RELN: variants seen among roughly 807,000 people sequenced by gnomAD.
RELN encodes reelin.
RELN carries 108 observed loss-of-function variants against 427.6 expected under a neutral mutation model. The ratio of observed to expected loss-of-function variants is 0.25; its 90% CI spans 0.22 to 0.30. The LOEUF (loss-of-function observed/expected upper bound fraction) is 0.30, where lower values mean the gene tolerates loss of function less well. Ranked by LOEUF, RELN falls within the 10% of genes least tolerant of loss-of-function variation. RELN has a pLI of 1.00. For synonymous variants in RELN, 1,524 were observed against 1,513.4 expected, an observed-to-expected ratio of 1.01 and a Z score of -0.16; for missense variants, 3,715 against 4,302.8, an observed-to-expected ratio of 0.86 and a Z score of 3.82.
chr7:103,497,671 T>A (rs1828881404), intron 55 of RELN, 149 bp downstream of exon 55: 1 of 710,842 alleles, frequency 1.4e-6, no homozygotes, highest in Non-Finnish European at 2.5e-6. Flanking sequence ...GTACGGAACA[T>A]GTAATACAAA....
chr7:103,941,951 A>G (rs1285211506), intron 1 of RELN, among the ~76,000 whole-genome samples: 1 of 151,104 alleles, frequency 6.6e-6, no homozygotes, highest in African/African-American at 2.4e-5. Flanking sequence ...TTATCATTAT[A>G]TTTACTATAT....
rs576510562 is a variant in RELN, at chr7:103,518,788, T to C, written c.7862+535A>G. Among the ~76,000 whole-genome samples the C allele has an allele frequency of 3.3e-5, 5 of 152,196 alleles. No homozygotes were observed. In the East Asian group the frequency reaches 9.6e-4, roughly 29 times the overall value. ...ATATGCTATTTTCCTTCTTAACAAC[T>C]CTTTGACATTTCTAATTGGTCATAA... On this transcript the variant is annotated intron_variant, in intron 49 of 64. Transcript: ENST00000428762.
At chr7:103,920,408 C>A (rs1795587058) in intron 1 of RELN, among the ~76,000 whole-genome samples, 1 of 151,948 alleles carries the variant, frequency 6.6e-6, no homozygotes, top group Non-Finnish European at 1.5e-5. Flanking sequence ...TCCTTCATGC[C>A]CTTTCCAAGA....
At position 103,989,215 on chromosome 7, in the gene RELN, C is replaced by G; in HGVS notation, c.142G>C (p.Gly48Arg). Residue 48 changes from glycine (G) to arginine (R), a missense_variant, in exon 1 of 65, where the codon GGG becomes CGG. Physicochemically the swap from Gly to Arg is moderately radical, Grantham distance 125. Coordinates refer to ENST00000428762, the MANE Select transcript of RELN (RefSeq NM_005045.4). The surrounding 1 kb of genome is among the most constrained non-coding windows in gnomAD (Gnocchi z 4.9). Reference sequence around the variant, plus strand: ...AGCACCTCGCCCTGCTCCCCATCCCCTTCCAGCTCCCCGTGGTGGGTGCAC... The same window carrying G: ...AGCACCTCGCCCTGCTCCCCATCCCGTTCCAGCTCCCCGTGGTGGGTGCAC... ...FLCTHHGELE[G>R]DGEQGEVLIS... 6.2e-7 allele frequency: 1 copy of G among 1,614,136 alleles called. No individual in the cohort carries two copies. The highest frequency in any genetic ancestry group is 1.1e-5 in the South Asian group (1 of 91,092).
chr7:103,874,793 T>C (rs1794437475), intron 2 of RELN, among the ~76,000 whole-genome samples: 1 of 150,344 alleles, frequency 6.7e-6, no homozygotes. Context: ...CAAGGTCATT[T>C]ACAGATTCAA....
intron 33 of RELN, 81 bp from the exon 34 acceptor site, chr7:103,565,632 C>T (rs1830734513): frequency 1.5e-6 from 2 of 1,343,664 alleles, no homozygotes; most frequent in Non-Finnish European, 2.1e-6. Flanking sequence ...TAAACATCTT[C>T]AATAGCAAAC....
chr7:103,621,949 GA>G (rs1281969271), intron 20 of RELN, among the ~76,000 whole-genome samples: 2 of 152,198 alleles, frequency 1.3e-5, no homozygotes, highest in African/African-American at 2.4e-5. Flanking sequence ...CTGGGAGGCA[GA>G]GGTTGTAGTG....
At chr7:103,491,659 G>A (rs1432612565) in intron 58 of RELN, among the ~76,000 whole-genome samples, 3 of 151,810 alleles carry the variant, frequency 2.0e-5, no homozygotes, top group Non-Finnish European at 4.4e-5. Context: ...GAGAAACCCC[G>A]TCTCTACTAA....
intron 2 of RELN, among the ~76,000 whole-genome samples, chr7:103,863,075 C>T (rs767266638): frequency 1.3e-5 from 2 of 152,006 alleles, no homozygotes; most frequent in Non-Finnish European, 2.9e-5. Context: ...CAGTCATCTA[C>T]TATTAAGACA....
chr7:103,580,567 T>C (rs1228893511), intron 28 of RELN, among the ~76,000 whole-genome samples: 3 of 152,218 alleles, frequency 2.0e-5, no homozygotes, highest in Admixed American at 1.3e-4. Context: ...TGTGTATATA[T>C]TTAATTAATT....
At chr7:103,644,038 C>T (rs553582786) in intron 16 of RELN, among the ~76,000 whole-genome samples, 7 of 151,960 alleles carry the variant, frequency 4.6e-5, no homozygotes, top group South Asian at 2.1e-4. Context: ...AGAGTCTTTG[C>T]CACTGAATGC....
chr7:103,737,202 T>C (rs1022864429), intron 6 of RELN, among the ~76,000 whole-genome samples: 3 of 152,246 alleles, frequency 2.0e-5, no homozygotes, highest in African/African-American at 4.8e-5. Context: ...TGTCTGATTT[T>C]TTTCATCTAT....
intron 1 of RELN, among the ~76,000 whole-genome samples, chr7:103,928,873 G>A (rs915133444): frequency 6.6e-6 from 1 of 152,132 alleles, no homozygotes. Flanking sequence ...GGCAAACAAG[G>A]TCACTGTATG....
chr7:103,707,499 C>A (rs1347278262), intron 8 of RELN, among the ~76,000 whole-genome samples: 1 of 148,176 alleles, frequency 6.7e-6, no homozygotes, highest in African/African-American at 2.6e-5. Flanking sequence ...CTATTTCTTT[C>A]TTTTCTTTTT....
chr7:103,561,181 G>A (rs1005279119), intron 36 of RELN, among the ~76,000 whole-genome samples: 6 of 152,048 alleles, frequency 3.9e-5, no homozygotes, highest in Admixed American at 6.6e-5. Context: ...ATTAAAGACC[G>A]TTCATAAAGT....
At chr7:103,764,547 CA>C (rs1791381690) in intron 4 of RELN, among the ~76,000 whole-genome samples, 2 of 151,658 alleles carry the variant, frequency 1.3e-5, no homozygotes, top group Non-Finnish European at 1.5e-5. Context: ...TATAAAAGCA[CA>C]AAAAGAAGGC....
intron 53 of RELN, among the ~76,000 whole-genome samples, chr7:103,498,748 T>TGG (rs1828923071): frequency 6.6e-6 from 1 of 152,144 alleles, no homozygotes; most frequent in Admixed American, 6.5e-5. Flanking sequence ...CACCTCCGCC[T>TGG]CCCAGAGTGC....
chr7:103,725,801 T>C (rs974493682), intron 7 of RELN, among the ~76,000 whole-genome samples: 2 of 152,122 alleles, frequency 1.3e-5, no homozygotes, highest in Non-Finnish European at 2.9e-5. Context: ...GGCACAGCTG[T>C]TAAAAAGAAA....
rs551928109 is a variant in RELN at position 103,979,998 on chromosome 7, C to T, written c.226+9133G>A. On this transcript the variant is annotated intron_variant, in intron 1 of 64. Transcript: ENST00000428762. ...CCAACATGGAGAAACCCTGTCTCTA[C>T]TAAAAATACAAAATTAGCTGGGTGT... is the stretch of plus-strand genomic sequence containing the variant. 3.3e-5 allele frequency among the ~76,000 whole-genome samples: 5 copies of T among 152,082 alleles called. No individual in the cohort carries two copies. In the East Asian group the frequency reaches 9.7e-4, roughly 29 times the overall value.
Sources: allele counts gnomAD v4.1 joint callset (sites outside exome capture counted in the v4.1 genomes callset), GRCh38; gene constraint gnomAD v4.1.1; non-coding constraint Gnocchi (gnomAD v3.1); transcripts MANE v1.5; gene names NCBI Gene and HGNC (gene_info 2026-07-23, HGNC 2026-07-21).